Variants in ASTN2 observed in about 807,000 individuals in gnomAD.
The protein encoded by ASTN2 is astrotactin-2.
A neutral mutation model predicts 139.8 loss-of-function variants in ASTN2; 54 were observed. The ratio of observed to expected loss-of-function variants is 0.39; its 90% CI spans 0.31 to 0.48. ASTN2 has a LOEUF of 0.48. ASTN2 is among the 20% of genes least tolerant of loss of function. ASTN2 has a pLI of 0.95. For synonymous variants in ASTN2, 756 were observed against 719.5 expected, an observed-to-expected ratio of 1.05 and a Z score of -0.81; for missense variants, 1,565 against 1,725.1, an observed-to-expected ratio of 0.91 and a Z score of 1.64.
intron 5 of ASTN2, among the ~76,000 whole-genome samples, chr9:117,061,405 T>A (rs1448142653): frequency 2.4e-5 from 1 of 41,046 alleles, no homozygotes; most frequent in Non-Finnish European, 6.1e-5. Context: ...CTTTTTTTCC[T>A]CCATTTTTTT....
Position 117,039,983 on chromosome 9 carries a change from C to A in ASTN2, c.1277-18G>T, listed in dbSNP as rs1030834174. On this transcript the variant is annotated intron_variant, in intron 5 of 22. Coordinates refer to ENST00000313400, the MANE Select transcript of ASTN2 (RefSeq NM_001365068.1). ...CAGCAAACCTGGTAACAAGAACATACACAAAGACACAAAATTCCATGAGGT... is the reference window on the plus strand; with the variant it reads ...CAGCAAACCTGGTAACAAGAACATAAACAAAGACACAAAATTCCATGAGGT... 3 of 1,586,464 alleles carry A rather than the reference C, an allele frequency of 1.9e-6. No individual in the cohort carries two copies. Among genetic ancestry groups the A allele is most frequent in the African/African-American group, 2.7e-5 (2 of 74,056 alleles).
chr9:116,536,199 A>C (rs886445314), intron 19 of ASTN2, among the ~76,000 whole-genome samples: 2 of 151,888 alleles, frequency 1.3e-5, no homozygotes, highest in Admixed American at 6.6e-5. Flanking sequence ...CATGGTTTTC[A>C]GCTCCATCAG....
At chr9:117,019,835 C>T (rs540763149) in intron 6 of ASTN2, among the ~76,000 whole-genome samples, 3 of 152,070 alleles carry the variant, frequency 2.0e-5, no homozygotes, top group East Asian at 1.9e-4. Flanking sequence ...GTGAACCTTG[C>T]GGATTCTCTT....
At chr9:117,313,331 C>G (rs1053442505) in intron 1 of ASTN2, among the ~76,000 whole-genome samples, 1 of 152,160 alleles carries the variant, frequency 6.6e-6, no homozygotes, top group Admixed American at 6.5e-5. Context: ...AGTTCCAAGG[C>G]AGCCAGAGAC....
rs768123132 is a variant in ASTN2 at position 117,214,415 on chromosome 9, G to A, written c.958C>T (p.His320Tyr). 2 of 1,614,002 alleles carry A rather than the reference G, an allele frequency of 1.2e-6. No homozygotes were observed. Among genetic ancestry groups the A allele is most frequent in the Admixed American group, 1.7e-5 (1 of 60,034 alleles). The change falls in exon 3 of 23, where the codon CAC becomes TAC. Residue 320 changes from histidine to tyrosine, a missense_variant. His to Tyr is a moderately conservative substitution (Grantham distance 83). Coordinates refer to ENST00000313400, the MANE Select transcript of ASTN2 (RefSeq NM_001365068.1). The part of the protein sequence containing the change: ...REDEFGSQVT[H>Y]TLDSLGHPGE... The stretch of plus-strand genomic sequence containing the variant: ...GGATGTCCCAGACTGTCCAGAGTGT[G>A]GGTCACCTGGCTGCCAAACTCGTCC...
chr9:116,966,414 G>A (rs1197057273), intron 10 of ASTN2, among the ~76,000 whole-genome samples: 1 of 152,128 alleles, frequency 6.6e-6, no homozygotes, highest in Non-Finnish European at 1.5e-5. Flanking sequence ...CTCTATCTGA[G>A]CTGACAGTTG....
intron 19 of ASTN2, among the ~76,000 whole-genome samples, chr9:116,580,513 G>T (rs1165904374): frequency 6.6e-6 from 1 of 152,142 alleles, no homozygotes; most frequent in Non-Finnish European, 1.5e-5. Context: ...AATACCCTGT[G>T]ACACCAGGCT....
chr9:116,461,698 T>C lies in ASTN2; in HGVS notation c.3498-19145A>G, dbSNP rs192719334. ...TCCAGAAGGTATATTCATGATTCAA[T>C]AGAGGGCCTCCATCAGTGTGGATCC... On this transcript the variant is annotated intron_variant, in intron 20 of 22. Coordinates refer to ENST00000313400, the MANE Select transcript of ASTN2 (RefSeq NM_001365068.1). Among the ~76,000 whole-genome samples the C allele has an allele frequency of 1.6e-3, 243 of 152,254 alleles. 3 individuals carry two copies. The highest frequency in any genetic ancestry group is 5.6e-3 in the African/African-American group (234 of 41,548).
At chr9:116,597,368 T>C (rs957061959) in intron 19 of ASTN2, among the ~76,000 whole-genome samples, 1 of 137,616 alleles carries the variant, frequency 7.3e-6, no homozygotes, top group Non-Finnish European at 1.5e-5. Flanking sequence ...AGTGCAGTGG[T>C]GCGATCTTGG....
intron 1 of ASTN2, among the ~76,000 whole-genome samples, chr9:117,309,903 C>T (rs1250561401): frequency 6.6e-6 from 1 of 152,152 alleles, no homozygotes; most frequent in Non-Finnish European, 1.5e-5. Flanking sequence ...TAAGGCTCTG[C>T]TGTCACCATC....
chr9:116,805,884 TA>T, intron 12 of ASTN2, 64 bp from the exon 13 acceptor site: 1 of 1,522,114 alleles, frequency 6.6e-7, no homozygotes, highest in Non-Finnish European at 8.9e-7. Context: ...GGGGGTGACC[TA>T]AAACCAAGGC....
chr9:116,565,423 A>ATTTATTTATTTATT (rs1175112977), intron 19 of ASTN2, among the ~76,000 whole-genome samples: 1 of 67,726 alleles, frequency 1.5e-5, no homozygotes, highest in African/African-American at 5.8e-5. Flanking sequence ...ATATATATAT[A>ATTTATTTATTTATT]TATATATTTA....
intron 3 of ASTN2, among the ~76,000 whole-genome samples, chr9:117,195,297 T>C (rs1831468103): frequency 6.6e-6 from 1 of 152,068 alleles, no homozygotes. Flanking sequence ...AGAGGGTAGT[T>C]TTCCAGGCAA....
intron 19 of ASTN2, among the ~76,000 whole-genome samples, chr9:116,511,407 G>C (rs906707852): frequency 1.3e-5 from 2 of 152,144 alleles, no homozygotes; most frequent in Non-Finnish European, 2.9e-5. Context: ...CGGTTTCCCA[G>C]TATTTTATTG....
At chr9:116,916,480 T>C (rs988282019) in intron 10 of ASTN2, among the ~76,000 whole-genome samples, 5 of 152,144 alleles carry the variant, frequency 3.3e-5, no homozygotes, top group Non-Finnish European at 1.5e-5. Context: ...GAGGCAAAAT[T>C]TTAAATTCAA....
chr9:116,750,151 A>C (rs1829358520), intron 13 of ASTN2, among the ~76,000 whole-genome samples: 1 of 152,204 alleles, frequency 6.6e-6, no homozygotes, highest in Non-Finnish European at 1.5e-5. Context: ...AGTAGACTGG[A>C]CAGCAAATTA....
intron 17 of ASTN2, among the ~76,000 whole-genome samples, chr9:116,634,603 A>T (rs1010642282): frequency 6.6e-6 from 1 of 151,180 alleles, no homozygotes; most frequent in Non-Finnish European, 1.5e-5. Context: ...AAAAAAAAAA[A>T]AAAAAAAAAA....
intron 13 of ASTN2, among the ~76,000 whole-genome samples, chr9:116,750,966 A>AC (rs1410097905): frequency 1.3e-5 from 2 of 152,302 alleles, no homozygotes; most frequent in East Asian, 3.9e-4. Flanking sequence ...AGTTTGTAAG[A>AC]CCCTGGATCC....
intron 4 of ASTN2, among the ~76,000 whole-genome samples, chr9:117,116,245 G>A (rs1270021098): frequency 6.6e-6 from 1 of 152,138 alleles, no homozygotes; most frequent in Non-Finnish European, 1.5e-5. Context: ...TGTGTAGTGA[G>A]GCATGAGAAT....
Sources: gnomAD v4.1 joint callset for allele counts (sites outside exome capture counted in the v4.1 genomes callset) on GRCh38, gnomAD v4.1.1 for gene constraint, MANE v1.5 for transcripts, NCBI Gene and HGNC (gene_info 2026-07-23, HGNC 2026-07-21) for gene names.